Variants in C16orf89 observed in about 807,000 individuals in gnomAD.
The protein encoded by C16orf89 is UPF0764 protein C16orf89.
In C16orf89, 57 loss-of-function variants were observed where a neutral mutation model predicts 41.5. The ratio of observed to expected loss-of-function variants is 1.38; its 90% CI spans 1.11 to 1.71. The LOEUF (loss-of-function observed/expected upper bound fraction) is 1.71, where lower values mean the gene tolerates loss of function less well. Among genes scored for constraint, C16orf89 ranks in the 40% most tolerant of loss-of-function variants. The pLI is 0.00. For missense variants in C16orf89, 575 were observed against 445.9 expected (o/e 1.29, Z -2.61); for synonymous variants, 223 against 190.6 (o/e 1.17, Z -1.40).
At chr16:5,045,462 T>C (rs1455450623) in intron 7 of C16orf89, among the ~76,000 whole-genome samples, 1 of 152,170 alleles carries the variant, frequency 6.6e-6, no homozygotes, top group Non-Finnish European at 1.5e-5. Context: ...TCTCACAATC[T>C]GTCTGCTTGT....
intron 7 of C16orf89, chr16:5,044,747 G>C: frequency 9.6e-7 from 1 of 1,046,732 alleles, no homozygotes; most frequent in East Asian, 4.9e-5. Flanking sequence ...GGGAGGATGA[G>C]GCAAGAGAAT....
rs1956473098 is a variant in C16orf89 at position 5,055,295 on chromosome 16, C to A, written c.819G>T (p.Glu273Asp). The A allele has an allele frequency of 6.2e-7, 1 of 1,613,714 alleles. No homozygotes were observed. Among genetic ancestry groups the A allele is most frequent in the Non-Finnish European group, 8.5e-7 (1 of 1,179,836 alleles). Residue 273 changes from glutamate (E) to aspartate (D), a missense_variant, in exon 6 of 8, where the codon GAG (glutamate) becomes GAT (aspartate). Transcript: ENST00000472572. ...FSDFYKLRWL[E>D]AILSWQKQQE... Reference sequence around the variant, plus strand: ...GCTGTTTCTGCCAGCTGAGAATGGCCTCCAGCCACCGGAGCTTGTAGAAGT... The same window carrying A: ...GCTGTTTCTGCCAGCTGAGAATGGCATCCAGCCACCGGAGCTTGTAGAAGT...
At chr16:5,064,279 C>G (rs763033171) in intron 1 of C16orf89, among the ~76,000 whole-genome samples, 23 of 152,196 alleles carry the variant, frequency 1.5e-4, no homozygotes, top group Admixed American at 6.5e-4. Flanking sequence ...AGGTTGGGGA[C>G]CACTGCAATG....
rs775657760 is a variant in C16orf89 at position 5,058,602 on chromosome 16, C to G, written c.518G>C (p.Ser173Thr). ...GTCTGAGAGGCCGCAGGGCTCGCTG[C>G]TGTCCGTCCTGGGGGAAAGTGGTTC... The part of the protein sequence containing the change: ...LVQLLGTGTD[S>T]SEPCGLSDLC... Residue 173 changes from serine (S) to threonine (T), a missense_variant, in exon 4 of 8, where the codon AGC becomes ACC. Transcript: ENST00000472572. The G allele has an allele frequency of 1.9e-6, 3 of 1,610,330 alleles. No individual in the cohort carries two copies. Among genetic ancestry groups the G allele is most frequent in the African/African-American group, 2.7e-5 (2 of 74,868 alleles).
chr16:5,054,985 A>G lies in C16orf89; in HGVS notation c.868+261T>C, dbSNP rs77170068. The stretch of plus-strand genomic sequence containing the variant: ...TCTTTATCATCAGCATAAAAACAGT[A>G]CAATACAAATGGGCTTGTTAATGCA... On this transcript the variant is annotated intron_variant, in intron 6 of 7. Transcript: ENST00000472572. Among the ~76,000 whole-genome samples the G allele has an allele frequency of 2.7e-3, 406 of 152,318 alleles. 14 individuals are homozygous for G. In the East Asian group the frequency reaches 0.07, roughly 26 times the overall value.
In C16orf89 at chr16:5,047,962, C is replaced by T. The variant is rs779982008; in HGVS notation, c.871G>A (p.Ala291Thr). 1 of 1,562,684 alleles carries T rather than the reference C, an allele frequency of 6.4e-7. No individual in the cohort carries two copies. Among genetic ancestry groups the T allele is most frequent in the Non-Finnish European group, 8.8e-7 (1 of 1,135,092 alleles). Reference protein sequence around the residue: ...QQEGCFGEPDAEDEELSKAIQ... With the variant: ...QQEGCFGEPDTEDEELSKAIQ... The stretch of plus-strand genomic sequence containing the variant: ...GCTTTAGATAATTCTTCATCTTCAG[C>T]ATCTGGGAGAAGAGCAAAAGTTGAA... Residue 291 changes from alanine (A) to threonine (T), a missense_variant and splice_region_variant, in exon 7 of 8, where the codon GCT (alanine) becomes ACT (threonine). Physicochemically the swap from Ala to Thr is moderately conservative, Grantham distance 58. Transcript: ENST00000472572.
At chr16:5,049,106 A>G (rs2142610984) in intron 6 of C16orf89, among the ~76,000 whole-genome samples, 1 of 152,340 alleles carries the variant, frequency 6.6e-6, no homozygotes, top group East Asian at 1.9e-4. Flanking sequence ...AAAAACTGTA[A>G]AAAGAGACAA....
chr16:5,062,259 C>G (rs1450596339), intron 2 of C16orf89, among the ~76,000 whole-genome samples, 166 bp downstream of exon 2: 1 of 152,112 alleles, frequency 6.6e-6, no homozygotes, highest in South Asian at 2.1e-4. Flanking sequence ...CAAGGATGAC[C>G]GCACGTCCCC....
chr16:5,057,662 G>A (rs2142650550), intron 4 of C16orf89, among the ~76,000 whole-genome samples: 1 of 151,588 alleles, frequency 6.6e-6, no homozygotes, highest in African/African-American at 2.4e-5. Context: ...CCGAGTAGCT[G>A]GAATTACAGG....
rs1054424740 is a variant in C16orf89 at position 5,058,407 on chromosome 16, A to G, written c.627+86T>C. The G allele has an allele frequency of 1.7e-5, 21 of 1,225,958 alleles. No individual in the cohort carries two copies. The African/African-American group carries it at 2.7e-4, about 16-fold the overall frequency. The allele number at this position is 1,225,958 out of a possible 1,614,324, so 75.9% of individuals were successfully genotyped here. A position where few individuals can be genotyped will look rare whatever the true frequency, so the allele number is the denominator to read the frequency against. ...CTTGGCCTCCCAAAGTGCTTGGATT[A>G]CAGGCATGAGCCACCACGTCCGGCT... On this transcript the variant is annotated intron_variant, in intron 4 of 7. Transcript: ENST00000472572.
rs777491964 is a variant in C16orf89, at chr16:5,055,297, C to T, written c.817G>A (p.Glu273Lys). ...TGTTTCTGCCAGCTGAGAATGGCCT[C>T]CAGCCACCGGAGCTTGTAGAAGTCG... Reference protein sequence around the residue: ...FSDFYKLRWLEAILSWQKQQE... With the variant: ...FSDFYKLRWLKAILSWQKQQE... The change falls in exon 6 of 8, where the codon GAG (glutamate) becomes AAG (lysine). Residue 273 changes from glutamate to lysine, a missense_variant. Glu to Lys is a moderately conservative substitution (Grantham distance 56). Coordinates refer to ENST00000472572, the MANE Select transcript of C16orf89 (RefSeq NM_001098514.3). 3 of 1,613,686 alleles carry T rather than the reference C, an allele frequency of 1.9e-6. No individual in the cohort carries two copies. The highest frequency in any genetic ancestry group is 2.5e-6 in the Non-Finnish European group (3 of 1,179,812).
At position 5,044,301 on chromosome 16, in the gene C16orf89, A is replaced by G. The variant is rs369861906; in HGVS notation, c.*47T>C. On this transcript the variant is annotated 3_prime_UTR_variant, in exon 8 of 8. Coordinates refer to ENST00000472572, the MANE Select transcript of C16orf89 (RefSeq NM_001098514.3). ...CTCCAGGATCTAAGGGATGAGGACT[A>G]AAGGGGTCTGTTCCTCCTCCAGGCA... The G allele has an allele frequency of 3.0e-5, 47 of 1,551,568 alleles. 1 individual carries two copies. In the African/African-American group the frequency reaches 5.6e-4, roughly 19 times the overall value.
chr16:5,058,109 G>GT (rs1956546271), intron 4 of C16orf89, among the ~76,000 whole-genome samples: 1 of 152,092 alleles, frequency 6.6e-6, no homozygotes. Context: ...ACACTGCCAT[G>GT]AGCCCTTTTT....
intron 3 of C16orf89, 46 bp from the exon 4 acceptor site, chr16:5,058,656 T>C (rs2142654590): frequency 4.8e-6 from 7 of 1,469,890 alleles, no homozygotes; most frequent in Non-Finnish European, 6.6e-6. Flanking sequence ...GCGCTGACTC[T>C]GCCCTGCGTC....
chr16:5,043,612 G>C (rs1463293017), downstream of C16orf89: 2 of 152,266 alleles, frequency 1.3e-5, no homozygotes, highest in Non-Finnish European at 2.9e-5. Flanking sequence ...TATCTGTTGA[G>C]TTCTGGCTCA....
chr16:5,047,471 C>CTTT (rs34384781), intron 7 of C16orf89, among the ~76,000 whole-genome samples: 1 of 144,040 alleles, frequency 6.9e-6, no homozygotes. Context: ...TTCTTTCTTT[C>CTTT]TTTTTTTTTT....
At chr16:5,057,260 A>T (rs1204981822) in intron 4 of C16orf89, among the ~76,000 whole-genome samples, 3 of 144,356 alleles carry the variant, frequency 2.1e-5, no homozygotes, top group African/African-American at 7.6e-5. Flanking sequence ...GAAGGAAAAG[A>T]AATATACATA....
chr16:5,044,941 G>A, intron 7 of C16orf89: 2 of 1,213,772 alleles, frequency 1.6e-6, no homozygotes, highest in South Asian at 2.9e-5. Context: ...TGCTGGGCCG[G>A]GTGCTCTTCC....
intron 7 of C16orf89, 76 bp from the exon 8 acceptor site, chr16:5,044,554 G>C (rs764433165): frequency 1.3e-6 from 2 of 1,589,512 alleles, no homozygotes; most frequent in South Asian, 1.1e-5. Flanking sequence ...CATTGAAAGT[G>C]CTTTTCAGCC....
Sources: gnomAD v4.1 joint callset for allele counts (sites outside exome capture counted in the v4.1 genomes callset) on GRCh38, gnomAD v4.1.1 for gene constraint, MANE v1.5 for transcripts, NCBI Gene and HGNC (gene_info 2026-07-23, HGNC 2026-07-21) for gene names.